KLHL1: variants seen among roughly 807,000 people sequenced by gnomAD.
The protein encoded by KLHL1 is kelch like family member 1.
In KLHL1, 47 loss-of-function variants were observed where a neutral mutation model predicts 77.7. The observed-to-expected ratio is 0.60, with a 90% CI of 0.48 to 0.77. KLHL1 has a LOEUF of 0.77. KLHL1 is among the 30% of genes least tolerant of loss of function. KLHL1 has a pLI of 0.00. For missense variants in KLHL1, 925 were observed against 910.8 expected, an observed-to-expected ratio of 1.02 and a Z score of -0.20; for synonymous variants, 360 against 325.2, an observed-to-expected ratio of 1.11 and a Z score of -1.15.
intron 7 of KLHL1, among the ~76,000 whole-genome samples, chr13:69,771,812 C>T (rs910433842): frequency 1.3e-5 from 2 of 151,946 alleles, no homozygotes; most frequent in Admixed American, 6.6e-5. Context: ...TTGTCTTTTA[C>T]TCTGAAAAAA....
rs763701875 is a variant in KLHL1 at position 69,796,975 on chromosome 13, A to G, written c.1415-13T>C. 2.8e-5 allele frequency: 45 copies of G among 1,608,684 alleles called. No homozygotes were observed. Among genetic ancestry groups the G allele is most frequent in the Non-Finnish European group, 7.7e-6 (9 of 1,175,488 alleles). The stretch of plus-strand genomic sequence containing the variant: ...ATAGTTGTAGCTCCTGATAAAACAT[A>G]AAATCAAAAAGTCACCAATTGCTAT... On this transcript the variant is annotated splice_polypyrimidine_tract_variant and intron_variant, in intron 6 of 10. Transcript: ENST00000377844.
chr13:69,878,745 G>T (rs1388392366), intron 5 of KLHL1, among the ~76,000 whole-genome samples: 1 of 151,730 alleles, frequency 6.6e-6, no homozygotes. Context: ...GTGAGAGAGA[G>T]AAAGATTGAA....
chr13:69,770,745 A>C (rs1209126793), intron 7 of KLHL1, among the ~76,000 whole-genome samples: 1 of 152,116 alleles, frequency 6.6e-6, no homozygotes, highest in Non-Finnish European at 1.5e-5. Flanking sequence ...TAATCATTCT[A>C]TTTATTACTA....
chr13:69,926,986 T>C (rs927753517), intron 4 of KLHL1, among the ~76,000 whole-genome samples: 3 of 140,384 alleles, frequency 2.1e-5, no homozygotes, highest in Non-Finnish European at 4.6e-5. Flanking sequence ...GAATTCACAC[T>C]TCCCAATTTC....
chr13:69,744,513 A>G (rs1874119868), intron 7 of KLHL1, among the ~76,000 whole-genome samples: 1 of 150,434 alleles, frequency 6.6e-6, no homozygotes, highest in African/African-American at 2.4e-5. Context: ...TTAATATACA[A>G]TATATAAATA....
At chr13:69,795,713 A>G (rs1189926235) in intron 7 of KLHL1, among the ~76,000 whole-genome samples, 3 of 152,316 alleles carry the variant, frequency 2.0e-5, no homozygotes, top group East Asian at 3.9e-4. Flanking sequence ...TGCTGGCCCC[A>G]AATCATGCAA....
intron 1 of KLHL1, among the ~76,000 whole-genome samples, chr13:70,102,591 A>G (rs553925100): frequency 1.8e-4 from 28 of 152,276 alleles, no homozygotes; most frequent in Non-Finnish European, 3.8e-4. Context: ...ATAGAGAAAT[A>G]AGATTGGGCA....
rs369390670 is a variant in KLHL1 at position 70,025,823 on chromosome 13, AACC to A, written c.498-50024_498-50022del. Reference sequence around the variant, plus strand: ...GTGAATAAATTGCCCTACATACGTAAACCACCTCTGATCATCTTTATGCCTACC... The same window carrying A: ...GTGAATAAATTGCCCTACATACGTAAACCTCTGATCATCTTTATGCCTACC... On this transcript the variant is annotated intron_variant, in intron 1 of 10. Transcript: ENST00000377844. 1.1e-3 allele frequency among the ~76,000 whole-genome samples: 161 copies of A among 152,156 alleles called. 2 individuals are homozygous for A. The highest frequency in any genetic ancestry group is 1.8e-3 in the Non-Finnish European group (119 of 67,984).
At chr13:70,075,070 A>C (rs567014685) in intron 1 of KLHL1, among the ~76,000 whole-genome samples, 1 of 152,230 alleles carries the variant, frequency 6.6e-6, no homozygotes, top group African/African-American at 2.4e-5. Context: ...GAAAAGGCAT[A>C]CAAAATTTAT....
intron 8 of KLHL1, among the ~76,000 whole-genome samples, chr13:69,727,862 T>A (rs1024128395): frequency 6.6e-6 from 1 of 152,052 alleles, no homozygotes; most frequent in African/African-American, 2.4e-5. Flanking sequence ...TTTTTTTTTT[T>A]TTAATCTTTG....
At chr13:69,909,624 A>G (rs1443788631) in intron 4 of KLHL1, among the ~76,000 whole-genome samples, 1 of 151,972 alleles carries the variant, frequency 6.6e-6, no homozygotes. Context: ...AATAATTTAG[A>G]TCAATAAAAT....
At chr13:69,963,360 T>C (rs1884124509) in intron 2 of KLHL1, among the ~76,000 whole-genome samples, 2 of 152,214 alleles carry the variant, frequency 1.3e-5, no homozygotes, top group South Asian at 4.1e-4. Context: ...TTCATATCAT[T>C]CATTATATTG....
intron 1 of KLHL1, among the ~76,000 whole-genome samples, chr13:70,005,525 G>A (rs1240219589): frequency 6.6e-6 from 1 of 150,992 alleles, no homozygotes; most frequent in Non-Finnish European, 1.5e-5. Context: ...TTTTATGAGC[G>A]GCTCAACACA....
chr13:69,934,975 TATATATATATATATGTATATATATAC>T (rs1364809686), intron 4 of KLHL1, among the ~76,000 whole-genome samples: 1 of 134,866 alleles, frequency 7.4e-6, no homozygotes, highest in Non-Finnish European at 1.5e-5. Flanking sequence ...TATATATATA[TATATATATATATATGTATATATATAC>T]ATATTATCAT....
At chr13:70,084,121 C>T (rs940784422) in intron 1 of KLHL1, among the ~76,000 whole-genome samples, 1 of 152,014 alleles carries the variant, frequency 6.6e-6, no homozygotes, top group Non-Finnish European at 1.5e-5. Flanking sequence ...AAGTCTAGTG[C>T]AACATTGTAT....
chr13:70,036,005 T>C (rs1310916490), intron 1 of KLHL1, among the ~76,000 whole-genome samples: 3 of 152,062 alleles, frequency 2.0e-5, no homozygotes, highest in African/African-American at 4.8e-5. Context: ...AATGCTTCAA[T>C]GATGAGTATC....
chr13:69,954,205 C>G (rs1239440458), intron 3 of KLHL1, among the ~76,000 whole-genome samples: 1 of 151,082 alleles, frequency 6.6e-6, no homozygotes, highest in Non-Finnish European at 1.5e-5. Flanking sequence ...AGTTGCATAT[C>G]AATTCAAGTG....
At chr13:70,074,581 A>C (rs1887215628) in intron 1 of KLHL1, among the ~76,000 whole-genome samples, 1 of 152,054 alleles carries the variant, frequency 6.6e-6, no homozygotes, top group Admixed American at 6.6e-5. Context: ...AATAAGTTTA[A>C]GAAATGTAGG....
chr13:70,085,390 C>A (rs1308782552), intron 1 of KLHL1, among the ~76,000 whole-genome samples: 2 of 152,040 alleles, frequency 1.3e-5, no homozygotes, highest in African/African-American at 4.8e-5. Context: ...TTAACAGAGC[C>A]AAACTTAAGC....
Sources: gnomAD v4.1 joint callset for allele counts (sites outside exome capture counted in the v4.1 genomes callset) on GRCh38, gnomAD v4.1.1 for gene constraint, MANE v1.5 for transcripts, NCBI Gene and HGNC (gene_info 2026-07-23, HGNC 2026-07-21) for gene names.